CNTROB: variants seen among roughly 807,000 people sequenced by gnomAD.
The protein encoded by CNTROB is centrobin.
Under a neutral mutation model 115.7 loss-of-function variants are expected in CNTROB, and 82 were observed. That is an observed-to-expected ratio of 0.71 (90% confidence interval 0.59 to 0.85). The LOEUF is 0.85. Ranked by LOEUF, CNTROB falls within the 40% of genes least tolerant of loss-of-function variation. The probability of loss-of-function intolerance (pLI) is 0.00; values close to 1 mark genes in which losing one functional copy is unlikely to be tolerated. For missense variants in CNTROB, 1,014 were observed against 1,144.4 expected, an observed-to-expected ratio of 0.89 and a Z score of 1.64; for synonymous variants, 439 against 456.4, an observed-to-expected ratio of 0.96 and a Z score of 0.49.
chr17:7,937,396 G>A, intron 7 of CNTROB, 134 bp downstream of exon 7: 1 of 1,021,092 alleles, frequency 9.8e-7, no homozygotes, highest in Admixed American at 2.6e-5. Context: ...GTGTTCCTTA[G>A]AACACTAATT....
Position 7,934,512 on chromosome 17 carries a change from T to C in CNTROB, c.403T>C (p.Ser135Pro). 6.2e-7 allele frequency: 1 copy of C among 1,614,190 alleles called. No homozygotes were observed. Among genetic ancestry groups the C allele is most frequent in the Non-Finnish European group, 8.5e-7 (1 of 1,180,030 alleles). The change falls in exon 3 of 19, where the codon TCC becomes CCC. Residue 135 changes from serine to proline, a missense_variant. By Grantham distance (74) the Ser-to-Pro change is moderately conservative. Coordinates refer to ENST00000563694, the MANE Select transcript of CNTROB (RefSeq NM_053051.5). ...GAGSERREED[S>P]FDSDSTATLL... ...TGGCTCAGAGAGACGGGAAGAGGAC[T>C]CCTTTGACAGTGATAGCACAGCCAC...
rs1973284186 is a variant in CNTROB, at chr17:7,937,198, C to T, written c.863C>T (p.Ala288Val). Reference sequence around the variant, plus strand: ...CGCCTGGAACAAAGCCTTTCTGAGGCCATGGAGGCCCTGAATCGTGAGCAG... The same window carrying T: ...CGCCTGGAACAAAGCCTTTCTGAGGTCATGGAGGCCCTGAATCGTGAGCAG... ...VTRLEQSLSE[A>V]MEALNREQES... The change falls in exon 7 of 19, where the codon GCC (alanine) becomes GTC (valine). Residue 288 changes from alanine to valine, a missense_variant. By Grantham distance (64) the Ala-to-Val change is moderately conservative (BLOSUM62 0). Transcript: ENST00000563694. 3 of 1,614,062 alleles carry T rather than the reference C, an allele frequency of 1.9e-6. No individual in the cohort carries two copies. Among genetic ancestry groups the T allele is most frequent in the African/African-American group, 2.7e-5 (2 of 74,932 alleles).
In CNTROB at chr17:7,949,175, A is replaced by G; in HGVS notation, c.2586+18A>G. On this transcript the variant is annotated intron_variant, in intron 18 of 18. Transcript: ENST00000563694. Reference sequence around the variant, plus strand: ...GGAAAGAGGTGAGGGAAAGTCAGGCAGGGACCAGGGGAGAAAAGGGCTCTC... The same window carrying G: ...GGAAAGAGGTGAGGGAAAGTCAGGCGGGGACCAGGGGAGAAAAGGGCTCTC... 1 of 1,612,654 alleles carries G rather than the reference A, an allele frequency of 6.2e-7. No individual in the cohort carries two copies. The highest frequency in any genetic ancestry group is 1.1e-5 in the South Asian group (1 of 91,068).
intron 5 of CNTROB, 70 bp from the exon 6 acceptor site, chr17:7,936,631 A>ACCCTGC: frequency 2.5e-6 from 2 of 815,734 alleles, no homozygotes; most frequent in South Asian, 2.7e-5. Flanking sequence ...ATGGCTGTTG[A>ACCCTGC]CCCTGCCCCT....
chr17:7,939,886 G>C lies in CNTROB; in HGVS notation c.1164+137G>C. ...GTAGAGAGCCATGTGTGGGAGACAA[G>C]GTTGAGAGTATAGGGCCAGCAGGAA... is the stretch of plus-strand genomic sequence containing the variant. On this transcript the variant is annotated intron_variant, in intron 8 of 18. Coordinates refer to ENST00000563694, the MANE Select transcript of CNTROB (RefSeq NM_053051.5). The surrounding 1 kb of genome is among the most constrained non-coding windows in gnomAD (Gnocchi z 4.4). 3 of 1,062,296 alleles carry C rather than the reference G, an allele frequency of 2.8e-6. No individual in the cohort carries two copies. Among genetic ancestry groups the C allele is most frequent in the Non-Finnish European group, 4.1e-6 (3 of 723,108 alleles). The allele number at this position is 1,062,296 out of a possible 1,614,324, so 65.8% of individuals were successfully genotyped here.
chr17:7,934,238 C>A lies in CNTROB; in HGVS notation c.355+16C>A. 3.7e-6 allele frequency: 6 copies of A among 1,610,044 alleles called. No homozygotes were observed. The highest frequency in any genetic ancestry group is 5.1e-6 in the Non-Finnish European group (6 of 1,176,262). On this transcript the variant is annotated intron_variant, in intron 2 of 18. Coordinates refer to ENST00000563694, the MANE Select transcript of CNTROB (RefSeq NM_053051.5). ...ACAGCCTATCGTGAGTAAGCCCCTT[C>A]CCTAGAACTATGAAGGAGAACCTAG...
Position 7,944,944 on chromosome 17 carries a change from A to G in CNTROB, c.1734+306A>G, listed in dbSNP as rs990947966. On this transcript the variant is annotated intron_variant, in intron 12 of 18. Coordinates refer to ENST00000563694, the MANE Select transcript of CNTROB (RefSeq NM_053051.5). This position sits in a 1 kb window ranked among gnomAD's most constrained non-coding sequence, Gnocchi z 4.0. The stretch of plus-strand genomic sequence containing the variant: ...TACATCAGGGGAGAAAAATCGGTGG[A>G]CTTTACAAATAATAACTGCCTCAGC... Among the ~76,000 whole-genome samples the G allele has an allele frequency of 7.9e-5, 12 of 152,144 alleles. No homozygotes were observed. The highest frequency in any genetic ancestry group is 2.0e-4 in the Admixed American group (3 of 15,268).
In CNTROB at chr17:7,935,077, C is replaced by T; in HGVS notation, c.526C>T (p.Pro176Ser). The change falls in exon 4 of 19, where the codon CCT (proline) becomes TCT (serine). Residue 176 changes from proline (P) to serine (S), a missense_variant. Physicochemically the swap from Pro to Ser is moderately conservative, Grantham distance 74. Coordinates refer to ENST00000563694, the MANE Select transcript of CNTROB (RefSeq NM_053051.5). ...FPRYTSLRPGPPLNPPDFQGL... is the reference protein window; with the variant it reads ...FPRYTSLRPGSPLNPPDFQGL... ...CCGCTACACCAGCCTTCGGCCAGGGCCTCCACTCAATCCCCCAGATTTTCA... is the reference window on the plus strand; with the variant it reads ...CCGCTACACCAGCCTTCGGCCAGGGTCTCCACTCAATCCCCCAGATTTTCA... The T allele has an allele frequency of 1.2e-6, 2 of 1,614,208 alleles. No individual in the cohort carries two copies. Among genetic ancestry groups the T allele is most frequent in the Non-Finnish European group, 1.7e-6 (2 of 1,180,042 alleles).
chr17:7,941,322 C>T (rs201775364), intron 9 of CNTROB, among the ~76,000 whole-genome samples: 2 of 152,086 alleles, frequency 1.3e-5, no homozygotes, highest in African/African-American at 2.4e-5. Context: ...TCCTTTGGCC[C>T]GGTATGGTGG....
chr17:7,943,273 C>A lies in CNTROB; in HGVS notation c.1312-118C>A. On this transcript the variant is annotated intron_variant, in intron 9 of 18. Transcript: ENST00000563694. The surrounding 1 kb of genome is among the most constrained non-coding windows in gnomAD (Gnocchi z 4.7). ...CTCTTTCACTCCTTGAGGCAAAATT[C>A]TTGTTCTTCATCTCATATGAGGGGA... 1 of 665,730 alleles carries A rather than the reference C, an allele frequency of 1.5e-6. No individual in the cohort carries two copies. Among genetic ancestry groups the A allele is most frequent in the South Asian group, 2.7e-5 (1 of 37,354 alleles). The allele number at this position is 665,730 out of a possible 1,614,324, so 41.2% of individuals were successfully genotyped here.
At position 7,944,175 on chromosome 17, in the gene CNTROB, C is replaced by T; in HGVS notation, c.1498C>T (p.Leu500=). The change falls in exon 11 of 19, where the codon CTA becomes TTA. Residue 500 remains leucine, a synonymous_variant. Coordinates refer to ENST00000563694, the MANE Select transcript of CNTROB (RefSeq NM_053051.5). The surrounding 1 kb of genome is among the most constrained non-coding windows in gnomAD (Gnocchi z 4.0). ...GQHQQELASQ[L]AQFKVEMAER... ...GCACCAGCAGGAGCTGGCCAGTCAG[C>T]TAGCTCAGTTCAAGGTGGAAATGGC... 1 of 1,611,858 alleles carries T rather than the reference C, an allele frequency of 6.2e-7. No individual in the cohort carries two copies. Among genetic ancestry groups the T allele is most frequent in the Non-Finnish European group, 8.5e-7 (1 of 1,177,920 alleles).
At chr17:7,947,797 A>C in intron 14 of CNTROB, 75 bp downstream of exon 14, 2 of 1,603,836 alleles carry the variant, frequency 1.2e-6, no homozygotes, top group Non-Finnish European at 1.7e-6. Context: ...CTGGGAATCC[A>C]GGACTCTGGC....
At chr17:7,941,455 C>T (rs549664475) in intron 9 of CNTROB, among the ~76,000 whole-genome samples, 1 of 151,844 alleles carries the variant, frequency 6.6e-6, no homozygotes, top group South Asian at 2.1e-4. Flanking sequence ...CAAAAATTAT[C>T]CAGGTGTATG....
At chr17:7,935,232 G>A (rs1973015121) in intron 4 of CNTROB, 87 bp downstream of exon 4, 1 of 1,590,318 alleles carries the variant, frequency 6.3e-7, no homozygotes. Context: ...GGCCTGGCGT[G>A]GTGGCTCACG....
At position 7,948,561 on chromosome 17, in the gene CNTROB, T is replaced by TG; in HGVS notation, c.2461dup (p.Ala821GlyfsTer5). 2.5e-6 allele frequency: 4 copies of TG among 1,614,060 alleles called. No individual in the cohort carries two copies. The highest frequency in any genetic ancestry group is 2.2e-5 in the South Asian group (2 of 91,070). On this transcript the variant is annotated frameshift_variant, in exon 17 of 19. Coordinates refer to ENST00000563694, the MANE Select transcript of CNTROB (RefSeq NM_053051.5). LOFTEE classifies it high-confidence loss of function. The surrounding 1 kb of genome is among the most constrained non-coding windows in gnomAD (Gnocchi z 4.4). ...GTTGCGACTCTACCAGGCTCGGGGC[T>TG]GGGGGGCTCTGCCTGCTGAGGATCT...
At chr17:7,938,193 C>T (rs1019911765) in intron 7 of CNTROB, among the ~76,000 whole-genome samples, 13 of 151,384 alleles carry the variant, frequency 8.6e-5, no homozygotes, top group Admixed American at 1.3e-4. Flanking sequence ...TTGGTAGAGA[C>T]GGGGTTTCGC....
Position 7,936,441 on chromosome 17 carries a change from G to A in CNTROB, c.670G>A (p.Ala224Thr). The A allele has an allele frequency of 6.4e-7, 1 of 1,559,316 alleles. No homozygotes were observed. The highest frequency in any genetic ancestry group is 1.1e-5 in the South Asian group (1 of 89,912). The change falls in exon 5 of 19, where the codon GCC (alanine) becomes ACC (threonine). Residue 224 changes from alanine to threonine, a missense_variant. Physicochemically the swap from Ala to Thr is moderately conservative, Grantham distance 58 (BLOSUM62 0). Coordinates refer to ENST00000563694, the MANE Select transcript of CNTROB (RefSeq NM_053051.5). ...LQQQLAVAVA[A>T]DRKKDTMIEQ... ...GCAACAATTAGCCGTGGCTGTGGCT[G>A]CCGACCGCAAGAAAGATACCATGAT...
rs1186656346 is a variant in CNTROB at position 7,937,227 on chromosome 17, A to G, written c.892A>G (p.Ser298Gly). The G allele has an allele frequency of 1.1e-5, 18 of 1,614,092 alleles. No homozygotes were observed. The highest frequency in any genetic ancestry group is 1.7e-5 in the Admixed American group (1 of 60,012). Residue 298 changes from serine to glycine, a missense_variant, in exon 7 of 19, where the codon AGT becomes GGT. Transcript: ENST00000563694. ...AMEALNREQE[S>G]ARLQQRERET... ...GGAGGCCCTGAATCGTGAGCAGGAA[A>G]GTGCCAGACTGCAGCAACGGGAAAG... is the stretch of plus-strand genomic sequence containing the variant.
intron 8 of CNTROB, 41 bp from the exon 9 acceptor site, chr17:7,940,055 A>G (rs768767000): frequency 5.9e-6 from 9 of 1,533,674 alleles, no homozygotes; most frequent in Non-Finnish European, 7.9e-6. Flanking sequence ...CCAGGAGATA[A>G]GAAATGAGGT....
Sources: gnomAD v4.1 joint callset for allele counts (sites outside exome capture counted in the v4.1 genomes callset) on GRCh38, gnomAD v4.1.1 for gene constraint, Gnocchi (gnomAD v3.1) non-coding constraint, MANE v1.5 for transcripts, NCBI Gene and HGNC (gene_info 2026-07-23, HGNC 2026-07-21) for gene names.